The following GPR179 variants were observed in gnomAD, a reference collection of about 807,000 sequenced individuals.
GPR179 encodes the protein probable G protein-coupled receptor 179.
GPR179 carries 52 observed loss-of-function variants against 70.8 expected under a neutral mutation model. That is an observed-to-expected ratio of 0.73 (90% CI 0.59 to 0.93). GPR179 has a LOEUF of 0.93. GPR179 is among the 40% of genes least tolerant of loss of function. The probability of loss-of-function intolerance (pLI) is 0.00; values close to 1 mark genes in which losing one functional copy is unlikely to be tolerated. For synonymous variants in GPR179, 1,123 were observed against 1,169.0 expected (o/e 0.96, Z 0.80); for missense variants, 2,734 against 2,966.8 (o/e 0.92, Z 1.82).
chr17:38,330,012 C>A lies in GPR179; in HGVS notation c.3557G>T (p.Gly1186Val). ...TCTCTCAGCTTTCCGTTCCCCTAGA[C>A]CCTGGGTCATCCTCCTGCCTCTGTC... ...QEDRGRRMTQ[G>V]LGERKAERAG... The change falls in exon 11 of 11, where the codon GGT becomes GTT. Residue 1186 changes from glycine (G) to valine (V), a missense_variant. Gly to Val is a moderately radical substitution (Grantham distance 109). Coordinates refer to ENST00000616987, the MANE Select transcript of GPR179 (RefSeq NM_001004334.4). The A allele has an allele frequency of 6.2e-7, 1 of 1,614,256 alleles. No homozygotes were observed. The highest frequency in any genetic ancestry group is 8.5e-7 in the Non-Finnish European group (1 of 1,180,042).
chr17:38,328,258 C>T lies in GPR179; in HGVS notation c.5311G>A (p.Ala1771Thr), dbSNP rs767762847. The part of the protein sequence containing the change: ...ACPWGSVGPG[A>T]CSQHPGTLDA... ...AGAGTACCTGGATGCTGAGAACAGG[C>T]CCCTGGACCCACACTCCCCCAGGGA... is the stretch of plus-strand genomic sequence containing the variant. The change falls in exon 11 of 11, where the codon GCC becomes ACC. Residue 1771 changes from alanine (A) to threonine (T), a missense_variant. Transcript: ENST00000616987. The T allele has an allele frequency of 2.5e-6, 4 of 1,613,640 alleles. No homozygotes were observed. The African/African-American group carries it at 5.3e-5, about 22-fold the overall frequency.
Position 38,333,389 on chromosome 17 carries a change from C to A in GPR179, c.1899G>T (p.Lys633Asn), listed in dbSNP as rs921013738. The change falls in exon 10 of 11, where the codon AAG (lysine) becomes AAT (asparagine). Residue 633 changes from lysine to asparagine, a missense_variant. Transcript: ENST00000616987. ...TCTCCTCCCGGGGAGGAGCCCCCAGCTTCCAGAACTGGCAGGGGTGCATAA... is the reference window on the plus strand; with the variant it reads ...TCTCCTCCCGGGGAGGAGCCCCCAGATTCCAGAACTGGCAGGGGTGCATAA... ...LALIFIPKFW[K>N]LGAPPREEMV... is the part of the protein sequence containing the mutation. 1.9e-6 allele frequency: 3 copies of A among 1,613,540 alleles called. No individual in the cohort carries two copies. Among genetic ancestry groups the A allele is most frequent in the Non-Finnish European group, 2.5e-6 (3 of 1,179,758 alleles).
chr17:38,333,783 A>G, intron 9 of GPR179, 150 bp downstream of exon 9: 1 of 622,036 alleles, frequency 1.6e-6, no homozygotes, highest in Non-Finnish European at 2.8e-6. Flanking sequence ...GTCAGCTCCT[A>G]GCTTAGGGCC....
chr17:38,326,129 C>T lies in GPR179; in HGVS notation c.*336G>A. ...TGGGCACAACTGACTTTTTTCATCC[C>T]TAACAGTGGCTTTGTGGGTGAGTGT... On this transcript the variant is annotated 3_prime_UTR_variant, in exon 11 of 11. Transcript: ENST00000616987. 1 of 271,358 alleles carries T rather than the reference C, an allele frequency of 3.7e-6. No homozygotes were observed. The highest frequency in any genetic ancestry group is 1.4e-4 in the South Asian group (1 of 7,236). The allele number at this position is 271,358 out of a possible 1,614,324, so 16.8% of individuals were successfully genotyped here.
chr17:38,335,082 G>A lies in GPR179; in HGVS notation c.1596C>T (p.Arg532=). 1 of 1,613,584 alleles carries A rather than the reference G, an allele frequency of 6.2e-7. No homozygotes were observed. The highest frequency in any genetic ancestry group is 8.5e-7 in the Non-Finnish European group (1 of 1,179,914). Residue 532 remains arginine (R), a synonymous_variant, in exon 7 of 11, where the codon CGC becomes CGT. Transcript: ENST00000616987. ...LVIRGHTPSG[R]HFYLCHHDRW... is the part of the protein sequence containing the mutation. Reference sequence around the variant, plus strand: ...GGTCGTGGTGACAGAGGTAGAAATGGCGGCCACTGGGAGTGTGGCCTCGGA... The same window carrying A: ...GGTCGTGGTGACAGAGGTAGAAATGACGGCCACTGGGAGTGTGGCCTCGGA...
rs780889061 is a variant in GPR179, at chr17:38,339,495, C to G, written c.825G>C (p.Gln275His). The G allele has an allele frequency of 1.2e-6, 2 of 1,614,012 alleles. No individual in the cohort carries two copies. The highest frequency in any genetic ancestry group is 3.3e-5 in the Admixed American group (2 of 60,020). ...TTGCACACTGATTGATGTCCACACTCTGGAGATCTACGTCCATCTGCACCT... is the reference window on the plus strand; with the variant it reads ...TTGCACACTGATTGATGTCCACACTGTGGAGATCTACGTCCATCTGCACCT... Reference protein sequence around the residue: ...RGQVQMDVDLQSVDINQCASG... With the variant: ...RGQVQMDVDLHSVDINQCASG... The change falls in exon 2 of 11, where the codon CAG becomes CAC. Residue 275 changes from glutamine (Q) to histidine (H), a missense_variant. Gln to His is a conservative substitution (Grantham distance 24). Coordinates refer to ENST00000616987, the MANE Select transcript of GPR179 (RefSeq NM_001004334.4).
Position 38,329,184 on chromosome 17 carries a change from A to G in GPR179, c.4385T>C (p.Val1462Ala). ...SGSLGSGIAE[V>A]CLWEAGDAPA... ...AGCATCTCCTGCCTCCCACAGACAC[A>G]CTTCAGCAATGCCACTGCCCAAACT... Residue 1462 changes from valine to alanine, a missense_variant, in exon 11 of 11, where the codon GTG (valine) becomes GCG (alanine). Transcript: ENST00000616987. 2.5e-6 allele frequency: 4 copies of G among 1,613,712 alleles called. No homozygotes were observed. The highest frequency in any genetic ancestry group is 2.5e-6 in the Non-Finnish European group (3 of 1,179,934).
In GPR179 at chr17:38,329,612, T is replaced by A; in HGVS notation, c.3957A>T (p.Ala1319=). 1 of 1,614,098 alleles carries A rather than the reference T, an allele frequency of 6.2e-7. No individual in the cohort carries two copies. ...GATCGGCACTCTCCCAGGGACACACTGCTTCCTGCTCCCTCACCAGCCTCT... is the reference window on the plus strand; with the variant it reads ...GATCGGCACTCTCCCAGGGACACACAGCTTCCTGCTCCCTCACCAGCCTCT... ...KPERLVREQE[A]VCPWESADRG... is the part of the protein sequence containing the mutation. Residue 1319 remains alanine, a synonymous_variant, in exon 11 of 11, where the codon GCA becomes GCT. Coordinates refer to ENST00000616987, the MANE Select transcript of GPR179 (RefSeq NM_001004334.4).
chr17:38,336,926 T>C, intron 4 of GPR179, 52 bp downstream of exon 4: 1 of 1,521,508 alleles, frequency 6.6e-7, no homozygotes, highest in Non-Finnish European at 8.9e-7. Context: ...GTCTCAGGCC[T>C]CCAGTTGAGA....
intron 2 of GPR179, 56 bp from the exon 3 acceptor site, chr17:38,337,776 T>A (rs2037419080): frequency 2.0e-6 from 3 of 1,493,648 alleles, no homozygotes; most frequent in Non-Finnish European, 2.8e-6. Context: ...TGGAAGAGCT[T>A]TCCCTCCTGG....
chr17:38,336,977 C>A lies in GPR179; in HGVS notation c.1227+1G>T, dbSNP rs2037408850. 6.3e-7 allele frequency: 1 copy of A among 1,586,868 alleles called. No individual in the cohort carries two copies. Among genetic ancestry groups the A allele is most frequent in the South Asian group, 1.1e-5 (1 of 86,986 alleles). ...TGTAGGAGGTGTGGGGCCTTCCTTG[C>A]CTTGTTCCGGCGGCAGCGGTAGGAG... On this transcript the variant is annotated splice_donor_variant, in intron 4 of 10. Coordinates refer to ENST00000616987, the MANE Select transcript of GPR179 (RefSeq NM_001004334.4). LOFTEE classifies it high-confidence loss of function.
At position 38,334,868 on chromosome 17, in the gene GPR179, G is replaced by A. The variant is rs374213123; in HGVS notation, c.1646-26C>T. On this transcript the variant is annotated intron_variant, in intron 7 of 10. Transcript: ENST00000616987. This position sits in a 1 kb window ranked among gnomAD's most constrained non-coding sequence, Gnocchi z 4.7. ...CTGTGGGGAGACAGGGAGGGAGAGA[G>A]CCGGCACCACCTCAGCAGCTGTCCC... 3.5e-5 allele frequency: 56 copies of A among 1,608,240 alleles called. No individual in the cohort carries two copies. In the Middle Eastern group the frequency reaches 1.0e-3, roughly 29 times the overall value.
In GPR179 at chr17:38,331,519, T is replaced by G. The variant is rs745638608; in HGVS notation, c.2050A>C (p.Lys684Gln). The G allele has an allele frequency of 3.7e-6, 6 of 1,605,036 alleles. No homozygotes were observed. In the African/African-American group the frequency reaches 5.3e-5, roughly 14 times the overall value. The change falls in exon 11 of 11, where the codon AAG becomes CAG. Residue 684 changes from lysine (K) to glutamine (Q), a missense_variant. Lys to Gln is a moderately conservative substitution (Grantham distance 53). Coordinates refer to ENST00000616987, the MANE Select transcript of GPR179 (RefSeq NM_001004334.4). ...DPGDIRDELK[K>Q]LYAQLEVHKT... The stretch of plus-strand genomic sequence containing the variant: ...TGGACCTCTAGCTGGGCATAGAGCT[T>G]CTTCAGCTCGTCCTGTGGGGCAGCA...
chr17:38,334,004 T>G lies in GPR179; in HGVS notation c.1819A>C (p.Thr607Pro). Residue 607 changes from threonine (T) to proline (P), a missense_variant, in exon 9 of 11, where the codon ACC (threonine) becomes CCC (proline). Transcript: ENST00000616987. This position sits in a 1 kb window ranked among gnomAD's most constrained non-coding sequence, Gnocchi z 4.7. The part of the protein sequence containing the change: ...VLVPSLHPDW[T>P]LLLFFFHTHS... ...GTGTGGAAGAAGAAGAGGAGGAGGGTCCAGTCCGGGTGCAGAGAGGGAACC... is the reference window on the plus strand; with the variant it reads ...GTGTGGAAGAAGAAGAGGAGGAGGGGCCAGTCCGGGTGCAGAGAGGGAACC... The G allele has an allele frequency of 6.2e-7, 1 of 1,613,532 alleles. No homozygotes were observed. Among genetic ancestry groups the G allele is most frequent in the Non-Finnish European group, 8.5e-7 (1 of 1,179,792 alleles).
In GPR179 at chr17:38,331,254, CG is replaced by C; in HGVS notation, c.2314del (p.Arg772AlafsTer19). On this transcript the variant is annotated frameshift_variant, in exon 11 of 11. Transcript: ENST00000616987. LOFTEE classifies it low-confidence loss of function (END_TRUNC). ...PEGTPALHKS[R>X]STYDQRREQD... ...CTCCCTGCGCTGGTCATAGGTGCTG[CG>C]GGACTTGTGCAGAGCTGGTGTCCCC... 6.3e-7 allele frequency: 1 copy of C among 1,588,460 alleles called. No homozygotes were observed. Among genetic ancestry groups the C allele is most frequent in the Non-Finnish European group, 8.6e-7 (1 of 1,168,232 alleles).
rs926824710 is a variant in GPR179, at chr17:38,326,206, C to T, written c.*259G>A. 1 of 444,416 alleles carries T rather than the reference C, an allele frequency of 2.3e-6. No homozygotes were observed. Among genetic ancestry groups the T allele is most frequent in the African/African-American group, 2.0e-5 (1 of 50,426 alleles). 27.5% of individuals were successfully genotyped at this position (444,416 alleles called of 1,614,324 possible). ...GTACTGTAGGTGGATGGGAGGCGTC[C>T]TTAGAAGTAGAGTGTCCAGTCTTTG... On this transcript the variant is annotated 3_prime_UTR_variant, in exon 11 of 11. Transcript: ENST00000616987.
rs369022881 is a variant in GPR179 at position 38,330,026 on chromosome 17, C to T, written c.3543G>A (p.Arg1181=). 5.0e-5 allele frequency: 81 copies of T among 1,614,130 alleles called. No homozygotes were observed. The highest frequency in any genetic ancestry group is 6.4e-5 in the Non-Finnish European group (75 of 1,180,054). ...EGSREQEDRG[R]RMTQGLGERK... ...GTTCCCCTAGACCCTGGGTCATCCTCCTGCCTCTGTCTTCTTGTTCCCTGC... is the reference window on the plus strand; with the variant it reads ...GTTCCCCTAGACCCTGGGTCATCCTTCTGCCTCTGTCTTCTTGTTCCCTGC... Residue 1181 remains arginine, a synonymous_variant, in exon 11 of 11, where the codon AGG becomes AGA. Coordinates refer to ENST00000616987, the MANE Select transcript of GPR179 (RefSeq NM_001004334.4).
At chr17:38,339,226 G>A (rs184952311) in intron 2 of GPR179, 191 bp downstream of exon 2, 3 of 532,718 alleles carry the variant, frequency 5.6e-6, no homozygotes, top group East Asian at 3.3e-5. Context: ...GGGGTGGGGG[G>A]GCAGGCTGTA....
Position 38,326,760 on chromosome 17 carries a change from G to A in GPR179, c.6809C>T (p.Ala2270Val). 2 of 1,614,228 alleles carry A rather than the reference G, an allele frequency of 1.2e-6. No individual in the cohort carries two copies. The highest frequency in any genetic ancestry group is 1.3e-5 in the African/African-American group (1 of 75,058). Reference protein sequence around the residue: ...TATRREFFPTAPEKPLCLLVH... With the variant: ...TATRREFFPTVPEKPLCLLVH... ...TAAAAGGCATAGTGGTTTTTCAGGAGCTGTGGGGAAAAATTCTCTCCGAGT... is the reference window on the plus strand; with the variant it reads ...TAAAAGGCATAGTGGTTTTTCAGGAACTGTGGGGAAAAATTCTCTCCGAGT... The change falls in exon 11 of 11, where the codon GCT (alanine) becomes GTT (valine). Residue 2270 changes from alanine to valine, a missense_variant. Ala to Val is a moderately conservative substitution (Grantham distance 64). Coordinates refer to ENST00000616987, the MANE Select transcript of GPR179 (RefSeq NM_001004334.4).
Sources: allele counts gnomAD v4.1 joint callset, GRCh38; gene constraint gnomAD v4.1.1; non-coding constraint Gnocchi (gnomAD v3.1); transcripts MANE v1.5; gene names NCBI Gene and HGNC (gene_info 2026-07-23, HGNC 2026-07-21).